DMD: variants seen among roughly 807,000 people sequenced by gnomAD.
The protein encoded by DMD is dystrophin, also known as mutant dystrophin.
Under a neutral mutation model 330.1 loss-of-function variants are expected in DMD, and 63 were observed. That is an observed-to-expected ratio of 0.19 (90% CI 0.16 to 0.24). DMD has a LOEUF of 0.24. Ranked by LOEUF, DMD falls within the 10% of genes least tolerant of loss-of-function variation. DMD has a pLI of 1.00. For missense variants in DMD, 3,344 were observed against 2,684.1 expected, an observed-to-expected ratio of 1.25 and a Z score of -5.43; for synonymous variants, 1,223 against 959.8, an observed-to-expected ratio of 1.27 and a Z score of -5.07.
rs769064404 is a variant in DMD at position 32,862,026 on chromosome X, T to C, written c.94-12206A>G. ...ACTGGAACACCGTCGTCTTCTTTAA[T>C]AGTGATATCAAAATACTGGAATGTT... is the stretch of plus-strand genomic sequence containing the variant. On this transcript the variant is annotated intron_variant, in intron 2 of 78. Transcript: ENST00000357033. Among the ~76,000 whole-genome samples the C allele has an allele frequency of 1.6e-4, 18 of 111,997 alleles. No homozygotes were observed. In the South Asian group the frequency reaches 4.5e-3, roughly 28 times the overall value.
intron 17 of DMD, among the ~76,000 whole-genome samples, chrX:32,537,913 C>T (rs1297746198): frequency 8.9e-6 from 1 of 112,116 alleles, no homozygotes; most frequent in Admixed American, 9.5e-5. Flanking sequence ...GCCAGACATC[C>T]AAAGATATAG....
chrX:31,172,818 C>T (rs1174599097), intron 72 of DMD, among the ~76,000 whole-genome samples: 3 of 111,664 alleles, frequency 2.7e-5, no homozygotes, highest in East Asian at 2.8e-4. Flanking sequence ...ATGCTTTTCA[C>T]GATTGGTAAA....
chrX:31,136,370 C>T (rs753374120), intron 76 of DMD, among the ~76,000 whole-genome samples: 41 of 111,772 alleles, frequency 3.7e-4, no homozygotes, highest in Middle Eastern at 9.1e-3. Context: ...ATTTTTCTTG[C>T]GGTTTTAAAC....
chrX:32,978,260 G>C (rs5928131), intron 2 of DMD, among the ~76,000 whole-genome samples: 43,218 of 110,448 alleles, frequency 0.39, 6,073 homozygotes, highest in East Asian at 0.47. Flanking sequence ...CCTGTGCTAA[G>C]AGGCAGCCAG....
chrX:32,220,663 C>T (rs754870880), intron 43 of DMD, among the ~76,000 whole-genome samples: 9 of 110,478 alleles, frequency 8.1e-5, no homozygotes, highest in Non-Finnish European at 1.3e-4. Context: ...TATATTTTTT[C>T]TGGTTTTACA....
At chrX:33,091,058 A>T (rs1403240008) in intron 1 of DMD, among the ~76,000 whole-genome samples, 2 of 111,203 alleles carry the variant, frequency 1.8e-5, no homozygotes, top group Non-Finnish European at 3.8e-5. Context: ...TAAAGAAAAC[A>T]TAACTTTTTC....
rs963017404 is a variant in DMD at position 32,413,757 on chromosome X, G to A, written c.4072-1844C>T. Among the ~76,000 whole-genome samples the A allele has an allele frequency of 1.6e-4, 13 of 82,328 alleles. 1 individual carries two copies. The highest frequency in any genetic ancestry group is 5.4e-4 in the Admixed American group (3 of 5,579). The allele number at this position is 82,328 out of a possible 115,157, so 71.5% of individuals were successfully genotyped here. Reference sequence around the variant, plus strand: ...TGAGATGGAGGCGGAGTCTCTCTCTGTCACCCAGACTGGAGTGCAGTGGCA... The same window carrying A: ...TGAGATGGAGGCGGAGTCTCTCTCTATCACCCAGACTGGAGTGCAGTGGCA... On this transcript the variant is annotated intron_variant, in intron 29 of 78. Coordinates refer to ENST00000357033, the MANE Select transcript of DMD (RefSeq NM_004006.3).
intron 55 of DMD, among the ~76,000 whole-genome samples, chrX:31,512,714 A>G (rs1391127038): frequency 1.8e-5 from 2 of 111,706 alleles, no homozygotes; most frequent in Non-Finnish European, 3.8e-5. Flanking sequence ...TGGTACCAGT[A>G]CCATGTTGTT....
At chrX:31,518,271 G>A (rs2072433672) in intron 55 of DMD, among the ~76,000 whole-genome samples, 1 of 111,761 alleles carries the variant, frequency 8.9e-6, no homozygotes, top group Non-Finnish European at 1.9e-5. Flanking sequence ...TGTTGAAAGA[G>A]AAAACGAGTC....
intron 7 of DMD, among the ~76,000 whole-genome samples, chrX:32,754,154 CCAAG>C (rs769874993): frequency 9.4e-6 from 1 of 105,972 alleles, no homozygotes; most frequent in East Asian, 2.8e-4. Context: ...TTAATATCTA[CCAAG>C]CACCTTTTTA....
At chrX:31,418,074 T>A (rs1334633167) in intron 60 of DMD, among the ~76,000 whole-genome samples, 1 of 109,996 alleles carries the variant, frequency 9.1e-6, no homozygotes, top group East Asian at 2.8e-4. Flanking sequence ...ATGGAGTAGA[T>A]TTTCTGGAAA....
chrX:31,159,962 G>A lies in DMD; in HGVS notation c.10553+9481C>T, dbSNP rs60476029. Among the ~76,000 whole-genome samples the A allele has an allele frequency of 9.3e-4, 105 of 112,316 alleles. 1 individual carries two copies. The highest frequency in any genetic ancestry group is 1.4e-3 in the Non-Finnish European group (76 of 53,248). ...ACCTGCATTTCTGTCATAAGATAAA[G>A]AGGGAGAAATATCTTCCCATGTGTT... On this transcript the variant is annotated intron_variant, in intron 74 of 78. Transcript: ENST00000357033.
intron 44 of DMD, among the ~76,000 whole-genome samples, chrX:32,098,880 C>T (rs185024502): frequency 9.0e-6 from 1 of 111,674 alleles, no homozygotes; most frequent in East Asian, 2.8e-4. Context: ...TACTTTATTG[C>T]CTTGGTAAAT....
chrX:31,698,932 C>T (rs1489744458), intron 52 of DMD, among the ~76,000 whole-genome samples: 2 of 111,674 alleles, frequency 1.8e-5, no homozygotes, highest in Non-Finnish European at 3.8e-5. Context: ...AGACCCAGAA[C>T]AAATGACTAA....
intron 44 of DMD, among the ~76,000 whole-genome samples, chrX:32,177,873 A>G (rs758425882): frequency 1.8e-5 from 2 of 111,059 alleles, no homozygotes; most frequent in South Asian, 7.6e-4. Context: ...GAGTGTTGAA[A>G]ATGTTGATGA....
At chrX:32,220,160 T>C (rs1291461290) in intron 43 of DMD, among the ~76,000 whole-genome samples, 1 of 111,271 alleles carries the variant, frequency 9.0e-6, no homozygotes, top group Non-Finnish European at 1.9e-5. Context: ...GCTACTGTCT[T>C]AGGACTTGTG....
At chrX:31,716,356 A>G (rs28552538) in intron 52 of DMD, among the ~76,000 whole-genome samples, 17,284 of 111,391 alleles carry the variant, frequency 0.16, 1,181 homozygotes, top group Admixed American at 0.31. Flanking sequence ...GCTCGAGACC[A>G]GCCTGACCAA....
chrX:32,787,702 T>TC (rs1218914976), intron 7 of DMD, among the ~76,000 whole-genome samples: 4 of 64,539 alleles, frequency 6.2e-5, no homozygotes, highest in South Asian at 2.2e-3. Context: ...CTGCCCACCC[T>TC]CCCCACCATC....
At chrX:31,169,648 G>A in intron 73 of DMD, 47 bp from the exon 74 acceptor site, 3 of 1,101,034 alleles carry the variant, frequency 2.7e-6, no homozygotes, top group Non-Finnish European at 3.7e-6. Flanking sequence ...CCCTTATTTT[G>A]CTTTGGGGGT....
Sources: gnomAD v4.1 joint callset for allele counts (sites outside exome capture counted in the v4.1 genomes callset) on GRCh38, gnomAD v4.1.1 for gene constraint, MANE v1.5 for transcripts, NCBI Gene and HGNC (gene_info 2026-07-23, HGNC 2026-07-21) for gene names.